COBL: variants seen among roughly 807,000 people sequenced by gnomAD.
COBL encodes the protein cordon-bleu WH2 repeat protein.
In COBL, 51 loss-of-function variants were observed where a neutral mutation model predicts 98.8. The observed-to-expected ratio is 0.52, with a 90% CI of 0.41 to 0.65. The LOEUF (loss-of-function observed/expected upper bound fraction) is 0.65. Among genes scored for constraint, COBL ranks in the 30% least tolerant of loss-of-function variants. The pLI, the probability that COBL is intolerant of heterozygous loss-of-function variation, is 0.00. For missense variants in COBL, 1,617 were observed against 1,617.5 expected, an observed-to-expected ratio of 1.00 and a Z score of 0.01; for synonymous variants, 634 against 651.7, an observed-to-expected ratio of 0.97 and a Z score of 0.41.
At chr7:51,031,814 C>T (rs1788182862) in intron 8 of COBL, 1 of 152,286 alleles carries the variant, frequency 6.6e-6, no homozygotes, top group Admixed American at 6.5e-5. Flanking sequence ...AAGAGCTGTA[C>T]TCCCTAGAAT....
chr7:51,268,159 A>T (rs1798402995), intron 1 of COBL, among the ~76,000 whole-genome samples: 1 of 152,172 alleles, frequency 6.6e-6, no homozygotes, highest in Non-Finnish European at 1.5e-5. Flanking sequence ...GCCCACTCTC[A>T]ATAAAGAAAT....
At chr7:51,204,314 A>C (rs1250153075) in intron 2 of COBL, among the ~76,000 whole-genome samples, 1 of 152,212 alleles carries the variant, frequency 6.6e-6, no homozygotes, top group Non-Finnish European at 1.5e-5. Flanking sequence ...ATACAAAGCA[A>C]GGATGTCCGC....
chr7:51,204,296 T>C (rs551491542), intron 2 of COBL, among the ~76,000 whole-genome samples: 3 of 152,278 alleles, frequency 2.0e-5, no homozygotes, highest in South Asian at 2.1e-4. Context: ...TGAAAGCTTT[T>C]AAGGTCCATA....
intron 2 of COBL, among the ~76,000 whole-genome samples, chr7:51,194,029 T>G (rs1336414393): frequency 1.3e-5 from 2 of 152,170 alleles, no homozygotes. Context: ...GGGGGCTTGT[T>G]GTACAGCTTA....
chr7:51,235,341 G>A (rs924017759), intron 1 of COBL, among the ~76,000 whole-genome samples: 8 of 152,174 alleles, frequency 5.3e-5, no homozygotes, highest in African/African-American at 1.7e-4. Context: ...TAGGTCTGCT[G>A]TGCTGTGACA....
chr7:51,289,989 G>C (rs796349918), intron 1 of COBL, among the ~76,000 whole-genome samples: 1 of 152,220 alleles, frequency 6.6e-6, no homozygotes, highest in East Asian at 1.9e-4. Flanking sequence ...AGCCCTATAC[G>C]AGGGCCTTGG....
In COBL at chr7:51,183,610, CAGG is replaced by C. The variant is rs1789204473; in HGVS notation, c.783+489_783+491del. 2.0e-5 allele frequency among the ~76,000 whole-genome samples: 3 copies of C among 152,190 alleles called. No individual in the cohort carries two copies. In the South Asian group the frequency reaches 6.2e-4, roughly 32 times the overall value. On this transcript the variant is annotated intron_variant, in intron 5 of 12. Transcript: ENST00000265136. ...CACATAGTACATTCCCAGATCATAT[CAGG>C]AGGACCAAAGAACATCTAAAAATTA...
chr7:51,300,152 G>GTT (rs539150123), intron 1 of COBL, among the ~76,000 whole-genome samples: 11 of 150,854 alleles, frequency 7.3e-5, no homozygotes, highest in Admixed American at 4.0e-4. Context: ...GTTTTGTTTT[G>GTT]TTTTGTTTTG....
In COBL at chr7:51,303,693, T is replaced by C. The variant is rs138204064; in HGVS notation, c.41+12900A>G. 6.7e-3 allele frequency among the ~76,000 whole-genome samples: 1,018 copies of C among 152,342 alleles called. 10 individuals carry two copies. Among genetic ancestry groups the C allele is most frequent in the Non-Finnish European group, 0.012 (829 of 68,030 alleles). On this transcript the variant is annotated intron_variant, in intron 1 of 12. Transcript: ENST00000265136. ...TACATGTGACAAACACAGACATGTA[T>C]CAAAATTCAGCTTATCTGCTGACCC...
chr7:51,133,770 C>G (rs562379833), intron 6 of COBL, among the ~76,000 whole-genome samples: 24 of 152,230 alleles, frequency 1.6e-4, no homozygotes, highest in African/African-American at 5.5e-4. Flanking sequence ...AAAACCTCTT[C>G]AAAAAATACC....
intron 7 of COBL, among the ~76,000 whole-genome samples, chr7:51,076,068 C>T (rs1393282058): frequency 6.6e-6 from 1 of 152,204 alleles, no homozygotes; most frequent in Non-Finnish European, 1.5e-5. Flanking sequence ...GGCTGGCTCT[C>T]CTGCCAGGGA....
chr7:51,188,965 A>G (rs1005521454), intron 4 of COBL, among the ~76,000 whole-genome samples: 1 of 152,226 alleles, frequency 6.6e-6, no homozygotes. Flanking sequence ...AACGTGAAAC[A>G]GTTTTCCCTT....
intron 1 of COBL, among the ~76,000 whole-genome samples, chr7:51,300,599 T>C (rs1420679231): frequency 1.3e-5 from 2 of 152,166 alleles, no homozygotes; most frequent in African/African-American, 4.8e-5. Context: ...CAGGCCTGGG[T>C]CTGCATCCTG....
intron 2 of COBL, among the ~76,000 whole-genome samples, chr7:51,194,074 A>C (rs1277935009): frequency 6.6e-6 from 1 of 152,108 alleles, no homozygotes; most frequent in African/African-American, 2.4e-5. Context: ...AGTACCCATT[A>C]GTTATTTTTT....
At chr7:51,033,241 A>C (rs1788324319) in intron 8 of COBL, 1 of 152,224 alleles carries the variant, frequency 6.6e-6, no homozygotes, top group African/African-American at 2.4e-5. Context: ...ACATATCAAA[A>C]AACACACAAA....
chr7:51,302,581 C>CA (rs397888990), intron 1 of COBL, among the ~76,000 whole-genome samples: 15,031 of 66,152 alleles, frequency 0.23, 1,448 homozygotes, highest in East Asian at 0.51. Context: ...AACTCCGTCT[C>CA]AAAAAAAAAA....
At chr7:51,150,812 G>C (rs552514337) in intron 5 of COBL, among the ~76,000 whole-genome samples, 1 of 152,284 alleles carries the variant, frequency 6.6e-6, no homozygotes, top group South Asian at 2.1e-4. Flanking sequence ...AGAGGTACTA[G>C]ATCTTGGGGA....
At chr7:51,030,638 G>A (rs1207731418) in intron 9 of COBL, among the ~76,000 whole-genome samples, 174 bp downstream of exon 9, 1 of 152,214 alleles carries the variant, frequency 6.6e-6, no homozygotes, top group East Asian at 1.9e-4. Context: ...ATAAAAAGCA[G>A]TCTACCGGAA....
intron 1 of COBL, among the ~76,000 whole-genome samples, chr7:51,278,612 T>G (rs1229400793): frequency 6.6e-6 from 1 of 151,890 alleles, no homozygotes; most frequent in Non-Finnish European, 1.5e-5. Context: ...ACTCCTGACC[T>G]CAGGTGATCT....
Sources: allele counts gnomAD v4.1 joint callset (sites outside exome capture counted in the v4.1 genomes callset), GRCh38; gene constraint gnomAD v4.1.1; transcripts MANE v1.5; gene names NCBI Gene and HGNC (gene_info 2026-07-23, HGNC 2026-07-21).